ADAM20: variants seen among roughly 807,000 people sequenced by gnomAD.
ADAM20 encodes ADAM metallopeptidase domain 20, also known as disintegrin and metalloproteinase domain-containing protein 20.
For synonymous variants in ADAM20, 305 were observed against 310.2 expected, an observed-to-expected ratio of 0.98 and a Z score of 0.18; for missense variants, 871 against 883.2, an observed-to-expected ratio of 0.99 and a Z score of 0.18.
chr14:70,576,450 A>C, the ADAM20 span, among the ~76,000 whole-genome samples: 19 of 152,194 alleles, frequency 1.2e-4, no homozygotes, highest in Admixed American at 6.5e-5. Flanking sequence ...AAAAATCTGA[A>C]TAGGAAAGAA....
rs755829915 is a variant in ADAM20, at chr14:70,523,280, T to C, written c.1478A>G (p.Asp493Gly). The change falls in exon 2 of 2, where the codon GAC becomes GGC. Residue 493 changes from aspartate (D) to glycine (G), a missense_variant. Physicochemically the swap from Asp to Gly is moderately conservative, Grantham distance 94. Transcript: ENST00000256389. ...HQCPDDVYVQ[D>G]GISCNVNAFC... ...GGCATTCACATTACAGGAGATCCCG[T>C]CCTGCACATACACATCATCTGGGCA... is the stretch of plus-strand genomic sequence containing the variant. 2 of 1,614,058 alleles carry C rather than the reference T, an allele frequency of 1.2e-6. No homozygotes were observed. Among genetic ancestry groups the C allele is most frequent in the Admixed American group, 1.7e-5 (1 of 59,992 alleles).
chr14:70,538,135 C>T (rs947450984), upstream of ADAM20, among the ~76,000 whole-genome samples: 1 of 152,060 alleles, frequency 6.6e-6, no homozygotes, highest in Non-Finnish European at 1.5e-5. Flanking sequence ...ACTCTCTGCC[C>T]CGGTGTCCCG....
Position 70,524,543 on chromosome 14 carries a change from T to C in ADAM20, c.215A>G (p.Tyr72Cys), listed in dbSNP as rs757386320. Residue 72 changes from tyrosine to cysteine, a missense_variant, in exon 2 of 2, where the codon TAC becomes TGC. By Grantham distance (194) the Tyr-to-Cys change is radical. Transcript: ENST00000256389. ...SYSLRFGGQR[Y>C]IVHMRVNKLL... ...CTTATTTACCCTCATGTGGACAATG[T>C]ATCTCTGTCCCCCAAACCGCAGGCT... 16 of 1,614,012 alleles carry C rather than the reference T, an allele frequency of 9.9e-6. No homozygotes were observed. The highest frequency in any genetic ancestry group is 1.4e-5 in the Non-Finnish European group (16 of 1,179,926).
chr14:70,569,542 T>C, the ADAM20 span, among the ~76,000 whole-genome samples: 26,575 of 151,992 alleles, frequency 0.17, 3,458 homozygotes, highest in East Asian at 0.49. Flanking sequence ...GGGAACGGCA[T>C]TCCCACACTA....
the ADAM20 span, among the ~76,000 whole-genome samples, chr14:70,560,518 T>A: frequency 1.3e-5 from 2 of 152,168 alleles, no homozygotes; most frequent in African/African-American, 2.4e-5. Context: ...GACAGACTCA[T>A]AGAAAAAAAT....
rs772919007 is a variant in ADAM20 at position 70,524,469 on chromosome 14, C to T, written c.289G>A (p.Ala97Thr). 13 of 1,614,018 alleles carry T rather than the reference C, an allele frequency of 8.1e-6. No homozygotes were observed. In the South Asian group the frequency reaches 1.3e-4, roughly 16 times the overall value. ...ATGAAGGGCTGATCCTGGAGCAGGG[C>T]ATGCTGCTCTGTGTAGGTGAACACA... is the stretch of plus-strand genomic sequence containing the variant. ...LPVFTYTEQH[A>T]LLQDQPFIQD... Residue 97 changes from alanine to threonine, a missense_variant, in exon 2 of 2, where the codon GCC becomes ACC. Physicochemically the swap from Ala to Thr is moderately conservative, Grantham distance 58 (BLOSUM62 0). Transcript: ENST00000256389.
At chr14:70,569,600 A>G in the ADAM20 span, among the ~76,000 whole-genome samples, 1 of 152,146 alleles carries the variant, frequency 6.6e-6, no homozygotes, top group East Asian at 1.9e-4. Context: ...AAAAACAAAC[A>G]AACAAAAAAG....
Position 70,522,409 on chromosome 14 carries a change from G to C in ADAM20, c.*168C>G, listed in dbSNP as rs1883469624. ...GCTTAAGACACTGTAGAGTAAGTAA[G>C]AATAGGCTAGGAATCCTTTGCTGTG... is the stretch of plus-strand genomic sequence containing the variant. On this transcript the variant is annotated 3_prime_UTR_variant, in exon 2 of 2. Transcript: ENST00000256389. The C allele has an allele frequency of 1.4e-6, 1 of 701,958 alleles. No homozygotes were observed. The highest frequency in any genetic ancestry group is 1.8e-5 in the African/African-American group (1 of 55,566). The allele number at this position is 701,958 out of a possible 1,614,324, so 43.5% of individuals were successfully genotyped here.
chr14:70,542,406 C>G, the ADAM20 span, among the ~76,000 whole-genome samples: 1 of 152,120 alleles, frequency 6.6e-6, no homozygotes, highest in Non-Finnish European at 1.5e-5. Context: ...CTAATAAACC[C>G]CTTTGGAAAC....
At chr14:70,564,917 G>A in the ADAM20 span, among the ~76,000 whole-genome samples, 1 of 150,778 alleles carries the variant, frequency 6.6e-6, no homozygotes, top group East Asian at 2.0e-4. Flanking sequence ...GCATGGTAGT[G>A]TATGCCTGTA....
At position 70,524,547 on chromosome 14, in the gene ADAM20, T is replaced by C; in HGVS notation, c.211A>G (p.Arg71Gly). Residue 71 changes from arginine (R) to glycine (G), a missense_variant, in exon 2 of 2, where the codon AGA (arginine) becomes GGA (glycine). Coordinates refer to ENST00000256389, the MANE Select transcript of ADAM20 (RefSeq NM_003814.5). ...LSYSLRFGGQ[R>G]YIVHMRVNKL... is the part of the protein sequence containing the mutation. ...TTTACCCTCATGTGGACAATGTATCTCTGTCCCCCAAACCGCAGGCTATAG... is the reference window on the plus strand; with the variant it reads ...TTTACCCTCATGTGGACAATGTATCCCTGTCCCCCAAACCGCAGGCTATAG... 6.2e-7 allele frequency: 1 copy of C among 1,614,020 alleles called. No homozygotes were observed. Among genetic ancestry groups the C allele is most frequent in the South Asian group, 1.1e-5 (1 of 91,082 alleles).
the ADAM20 span, among the ~76,000 whole-genome samples, chr14:70,553,330 A>C: frequency 8.0e-6 from 1 of 124,466 alleles, no homozygotes; most frequent in Non-Finnish European, 1.6e-5. Context: ...AAAAAAAAAA[A>C]AACTAGTAGC....
chr14:70,531,247 A>G (rs1401064995), intron 1 of ADAM20, among the ~76,000 whole-genome samples: 1 of 152,212 alleles, frequency 6.6e-6, no homozygotes, highest in African/African-American at 2.4e-5. Flanking sequence ...TCACAGGCAG[A>G]AGGATAAAAA....
chr14:70,540,847 C>T, the ADAM20 span, among the ~76,000 whole-genome samples: 1 of 152,074 alleles, frequency 6.6e-6, no homozygotes, highest in African/African-American at 2.4e-5. Context: ...AGCTGGAGTG[C>T]AGTGGTGTGA....
chr14:70,532,751 C>A (rs1025812972), intron 1 of ADAM20, among the ~76,000 whole-genome samples: 6 of 152,034 alleles, frequency 3.9e-5, no homozygotes, highest in African/African-American at 1.5e-4. Flanking sequence ...GAAGTATTTG[C>A]CAAACATCTA....
chr14:70,538,071 G>T (rs1883871941), upstream of ADAM20, among the ~76,000 whole-genome samples: 1 of 151,974 alleles, frequency 6.6e-6, no homozygotes, highest in Non-Finnish European at 1.5e-5. Context: ...CCCTGCAGAT[G>T]AATCCCCTCC....
chr14:70,543,313 T>C, the ADAM20 span, among the ~76,000 whole-genome samples: 73 of 152,350 alleles, frequency 4.8e-4, no homozygotes, highest in African/African-American at 1.7e-3. Flanking sequence ...AGTAGGACTA[T>C]ATACTGTAGC....
At chr14:70,535,573 C>G (rs1457931714), upstream of ADAM20, among the ~76,000 whole-genome samples, 2 of 152,180 alleles carry the variant, frequency 1.3e-5, no homozygotes, top group Non-Finnish European at 1.5e-5. Flanking sequence ...TGAGACCTTA[C>G]AATGAGCTCA....
upstream of ADAM20, among the ~76,000 whole-genome samples, chr14:70,537,626 C>A (rs890655263): frequency 5.3e-5 from 8 of 152,258 alleles, no homozygotes; most frequent in African/African-American, 1.9e-4. Context: ...TGTCTTTTGT[C>A]TGGGGACAAC....
Sources: gnomAD v4.1 joint callset for allele counts (sites outside exome capture counted in the v4.1 genomes callset) on GRCh38, gnomAD v4.1.1 for gene constraint, MANE v1.5 for transcripts, NCBI Gene and HGNC (gene_info 2026-07-23, HGNC 2026-07-21) for gene names.